Variants in LRRTM4 observed in about 807,000 individuals in gnomAD.
LRRTM4 encodes leucine rich repeat transmembrane neuronal 4, also known as leucine-rich repeat transmembrane neuronal protein 4.
In LRRTM4, 25 loss-of-function variants were observed where a neutral mutation model predicts 47.6. The ratio of observed to expected loss-of-function variants is 0.53; its 90% CI spans 0.38 to 0.73. LRRTM4 has a LOEUF of 0.73. Ranked by LOEUF, LRRTM4 falls within the 30% of genes least tolerant of loss-of-function variation. The pLI, the probability that LRRTM4 is intolerant of heterozygous loss-of-function variation, is 0.00. For synonymous variants in LRRTM4, 311 were observed against 269.5 expected (o/e 1.15, Z -1.51); for missense variants, 638 against 713.4 (o/e 0.89, Z 1.20).
At chr2:77,290,806 C>G (rs189286900) in intron 3 of LRRTM4, among the ~76,000 whole-genome samples, 1 of 152,068 alleles carries the variant, frequency 6.6e-6, no homozygotes, top group East Asian at 1.9e-4. Flanking sequence ...CCTACAGTTT[C>G]ATGATTTTTT....
intron 3 of LRRTM4, among the ~76,000 whole-genome samples, chr2:77,425,702 C>T (rs1558737700): frequency 6.6e-6 from 1 of 152,190 alleles, no homozygotes; most frequent in Non-Finnish European, 1.5e-5. Context: ...TCCACTGCCT[C>T]CTTGACAAAG....
At chr2:76,938,020 A>G (rs1675016047) in intron 3 of LRRTM4, among the ~76,000 whole-genome samples, 1 of 151,986 alleles carries the variant, frequency 6.6e-6, no homozygotes, top group South Asian at 2.1e-4. Context: ...CCTTTTAAAT[A>G]CCCTCCTTTT....
intron 3 of LRRTM4, among the ~76,000 whole-genome samples, chr2:77,159,970 G>A (rs1672667417): frequency 6.6e-6 from 1 of 152,050 alleles, no homozygotes; most frequent in Non-Finnish European, 1.5e-5. Flanking sequence ...CTGCTTCTAT[G>A]TCTTCTTCCC....
chr2:77,031,934 C>A (rs542845471), intron 3 of LRRTM4, among the ~76,000 whole-genome samples: 48 of 152,238 alleles, frequency 3.2e-4, no homozygotes, highest in African/African-American at 9.9e-4. Flanking sequence ...GCCCCTAACC[C>A]TAACATGATT....
At chr2:77,347,099 C>T (rs1490091804) in intron 3 of LRRTM4, among the ~76,000 whole-genome samples, 1 of 152,118 alleles carries the variant, frequency 6.6e-6, no homozygotes, top group Admixed American at 6.6e-5. Context: ...TCAATTCTCT[C>T]TCTACTGTCT....
In LRRTM4 at chr2:76,901,238, T is replaced by C. The variant is rs528425826; in HGVS notation, c.1552-152322A>G. Among the ~76,000 whole-genome samples the C allele has an allele frequency of 2.1e-3, 318 of 152,202 alleles. 1 individual carries two copies. The highest frequency in any genetic ancestry group is 6.5e-3 in the African/African-American group (272 of 41,532). On this transcript the variant is annotated intron_variant, in intron 3 of 3. Transcript: ENST00000409884. The stretch of plus-strand genomic sequence containing the variant: ...CCCTACAGGCCCCAGTGTGTGTTGT[T>C]CCCCTTCCTGTGTCCATGTGATCTC...
At chr2:77,033,424 A>ATAAT (rs57624157) in intron 3 of LRRTM4, among the ~76,000 whole-genome samples, 29,242 of 151,550 alleles carry the variant, frequency 0.19, 2,922 homozygotes, top group Admixed American at 0.27. Context: ...CAATAAATGC[A>ATAAT]TAGTTTTTTT....
intron 3 of LRRTM4, among the ~76,000 whole-genome samples, chr2:77,199,215 A>C (rs1673910309): frequency 6.6e-6 from 1 of 152,192 alleles, no homozygotes; most frequent in Non-Finnish European, 1.5e-5. Flanking sequence ...TATTTAAAAA[A>C]GAAAAAGGAA....
At chr2:77,509,833 A>G (rs1326746499) in intron 3 of LRRTM4, among the ~76,000 whole-genome samples, 5 of 152,164 alleles carry the variant, frequency 3.3e-5, no homozygotes, top group African/African-American at 7.2e-5. Context: ...CTTGTCCAAT[A>G]TTAGAGAAGT....
At chr2:76,907,220 G>A (rs1381504665) in intron 3 of LRRTM4, among the ~76,000 whole-genome samples, 2 of 152,000 alleles carry the variant, frequency 1.3e-5, no homozygotes, top group South Asian at 2.1e-4. Flanking sequence ...CATGGAAACT[G>A]TACAACCTGC....
chr2:77,010,033 A>G (rs1283407859), intron 3 of LRRTM4, among the ~76,000 whole-genome samples: 1 of 151,910 alleles, frequency 6.6e-6, no homozygotes, highest in African/African-American at 2.4e-5. Flanking sequence ...AATTGAATAT[A>G]TTTATAGTAT....
intron 3 of LRRTM4, among the ~76,000 whole-genome samples, chr2:77,152,209 G>A (rs910273079): frequency 6.6e-6 from 1 of 152,196 alleles, no homozygotes; most frequent in Non-Finnish European, 1.5e-5. Flanking sequence ...ATTGTGTGGG[G>A]CCTGCCATTT....
chr2:77,083,554 T>G (rs1317052705), intron 3 of LRRTM4, among the ~76,000 whole-genome samples: 4 of 152,076 alleles, frequency 2.6e-5, no homozygotes, highest in African/African-American at 9.7e-5. Context: ...CTGAAAATAT[T>G]AGACAGTCAG....
intron 3 of LRRTM4, among the ~76,000 whole-genome samples, chr2:76,782,163 A>G (rs897702174): frequency 1.3e-5 from 2 of 152,210 alleles, no homozygotes; most frequent in Non-Finnish European, 2.9e-5. Flanking sequence ...ATAAAAGATA[A>G]AATGGTATTT....
intron 3 of LRRTM4, among the ~76,000 whole-genome samples, chr2:77,119,280 C>T (rs1043875403): frequency 6.6e-6 from 1 of 151,826 alleles, no homozygotes; most frequent in Non-Finnish European, 1.5e-5. Flanking sequence ...CTAAATTTGT[C>T]ATGCACAGAC....
intron 3 of LRRTM4, among the ~76,000 whole-genome samples, chr2:77,220,255 A>G (rs1483287450): frequency 6.6e-6 from 1 of 152,184 alleles, no homozygotes; most frequent in Non-Finnish European, 1.5e-5. Context: ...AAAGATGGGG[A>G]AAAAACAGAG....
At chr2:76,896,073 T>G (rs1269475326) in intron 3 of LRRTM4, among the ~76,000 whole-genome samples, 1 of 152,086 alleles carries the variant, frequency 6.6e-6, no homozygotes, top group South Asian at 2.1e-4. Context: ...TTTTATACCA[T>G]AGATATTAAA....
intron 3 of LRRTM4, among the ~76,000 whole-genome samples, chr2:77,396,197 A>G (rs1380336142): frequency 6.6e-6 from 1 of 151,566 alleles, no homozygotes; most frequent in Non-Finnish European, 1.5e-5. Flanking sequence ...GCATATAACA[A>G]CCCCCTTAAT....
At chr2:77,502,504 A>C (rs1678609147) in intron 3 of LRRTM4, among the ~76,000 whole-genome samples, 1 of 151,674 alleles carries the variant, frequency 6.6e-6, no homozygotes, top group Non-Finnish European at 1.5e-5. Flanking sequence ...ATTTTCAAAG[A>C]AGATATGTAA....
Sources: gnomAD v4.1 joint callset for allele counts (sites outside exome capture counted in the v4.1 genomes callset) on GRCh38, gnomAD v4.1.1 for gene constraint, MANE v1.5 for transcripts, NCBI Gene and HGNC (gene_info 2026-07-23, HGNC 2026-07-21) for gene names.